The following EFCAB8 variants were observed in gnomAD, a reference collection of about 807,000 sequenced individuals.
The protein encoded by EFCAB8 is EF-hand calcium-binding domain-containing protein 8.
EFCAB8 carries 100 observed loss-of-function variants against 116.3 expected under a neutral mutation model. The ratio of observed to expected loss-of-function variants is 0.86; its 90% confidence interval spans 0.73 to 1.02. The LOEUF (loss-of-function observed/expected upper bound fraction) is 1.02. EFCAB8 is among the 50% of genes least tolerant of loss of function. The pLI, the probability that EFCAB8 is intolerant of heterozygous loss-of-function variation, is 0.00. For synonymous variants in EFCAB8, 558 were observed against 567.9 expected (o/e 0.98, Z 0.25); for missense variants, 1,320 against 1,416.9 (o/e 0.93, Z 1.10).
At chr20:32,870,348 A>G (rs1384186475) in intron 3 of EFCAB8, among the ~76,000 whole-genome samples, 2 of 152,220 alleles carry the variant, frequency 1.3e-5, no homozygotes, top group African/African-American at 4.8e-5. Flanking sequence ...ATATACCCAC[A>G]CAGTTCAATA....
At chr20:32,933,178 A>T (rs1431726767) in intron 22 of EFCAB8, among the ~76,000 whole-genome samples, 1 of 152,200 alleles carries the variant, frequency 6.6e-6, no homozygotes, top group East Asian at 1.9e-4. Context: ...CAACCAGTGT[A>T]GACCTGAGAC....
chr20:32,902,729 C>T lies in EFCAB8; in HGVS notation c.1089-3833C>T, dbSNP rs150642913. On this transcript the variant is annotated intron_variant, in intron 11 of 26. Transcript: ENST00000400522. ...ATGCCATCTTAGGGCATATCCTCTG[C>T]GGGTGGGGCCTGGCATTGGCACCCC... Among the ~76,000 whole-genome samples, 35 of 152,322 alleles carry T rather than the reference C, an allele frequency of 2.3e-4. No individual in the cohort carries two copies. In the East Asian group the frequency reaches 5.2e-3, roughly 23 times the overall value.
At chr20:32,860,493 CTTT>C (rs71190881) in intron 1 of EFCAB8, among the ~76,000 whole-genome samples, 1,009 of 83,158 alleles carry the variant, frequency 0.012, no homozygotes, top group African/African-American at 0.023. Flanking sequence ...ATGGTGGTAA[CTTT>C]TTTTTTTTTT....
At chr20:32,885,699 C>CA in intron 6 of EFCAB8, 59 bp downstream of exon 6, 1 of 1,535,816 alleles carries the variant, frequency 6.5e-7, no homozygotes, top group East Asian at 2.5e-5. Context: ...TCTGCCTTAG[C>CA]ACCCCCATGG....
rs191998754 is a variant in EFCAB8, at chr20:32,946,817, C to T, written c.2959+3013C>T. Among the ~76,000 whole-genome samples the T allele has an allele frequency of 1.5e-4, 23 of 152,342 alleles. 1 individual carries two copies. Among genetic ancestry groups the T allele is most frequent in the Admixed American group, 1.5e-3 (23 of 15,308 alleles). On this transcript the variant is annotated intron_variant, in intron 23 of 26. Coordinates refer to ENST00000400522, the MANE Select transcript of EFCAB8 (RefSeq NM_001143967.2). ...AAACTCTATTTCCTTCTCCTAACCC[C>T]TGGCAGCCATTGATCTGTTTGTCTC...
chr20:32,939,928 C>T (rs544955893), intron 22 of EFCAB8, among the ~76,000 whole-genome samples: 1 of 147,222 alleles, frequency 6.8e-6, no homozygotes, highest in African/African-American at 2.5e-5. Context: ...CTCCTGACCT[C>T]AGGTGATCCA....
At position 32,943,591 on chromosome 20, in the gene EFCAB8, G is replaced by A. The variant is rs1988472949; in HGVS notation, c.2791-45G>A. On this transcript the variant is annotated intron_variant, in intron 22 of 26. Transcript: ENST00000400522. ...CCTGGGTGCCTTCTAATTAGCCTGT[G>A]TAGTGGTCTTGGTAAAAGTGTTTCT... 3 of 416,658 alleles carry A rather than the reference G, an allele frequency of 7.2e-6. 1 individual carries two copies. Among genetic ancestry groups the A allele is most frequent in the Non-Finnish European group, 1.3e-5 (3 of 226,408 alleles). 25.8% of individuals were successfully genotyped at this position (416,658 alleles called of 1,614,324 possible). A position where few individuals can be genotyped will look rare whatever the true frequency, so the allele number is the denominator to read the frequency against.
chr20:32,940,015 CCCTCCCTCCCTTCCTTCCTTCCTTCCTT>C, intron 22 of EFCAB8, among the ~76,000 whole-genome samples: 1 of 72,754 alleles, frequency 1.4e-5, no homozygotes, highest in Non-Finnish European at 2.7e-5. Context: ...CTCCCTCCCT[CCCTCCCTCCCTTCCTTCCTTCCTTCCTT>C]CCTTCCTTCC....
At chr20:32,877,275 C>A (rs533788280) in intron 4 of EFCAB8, among the ~76,000 whole-genome samples, 2 of 135,614 alleles carry the variant, frequency 1.5e-5, no homozygotes, top group Non-Finnish European at 3.1e-5. Flanking sequence ...ATGGCACGAT[C>A]TTGGCTCTTT....
Position 32,908,282 on chromosome 20 carries a change from G to A in EFCAB8, c.1316G>A (p.Arg439His), listed in dbSNP as rs753163015. The change falls in exon 14 of 27, where the codon CGC (arginine) becomes CAC (histidine). Residue 439 changes from arginine (R) to histidine (H), a missense_variant. Coordinates refer to ENST00000400522, the MANE Select transcript of EFCAB8 (RefSeq NM_001143967.2). ...LISVSKDKNI[R>H]VWDMLDYICL... ...CTTTTTCCCATCCCCCAGAATATTC[G>A]CGTGTGGGACATGCTGGACTACATA... 9.6e-5 allele frequency: 120 copies of A among 1,249,544 alleles called. No homozygotes were observed. The East Asian group carries it at 1.7e-3, about 17-fold the overall frequency. The allele number at this position is 1,249,544 out of a possible 1,614,324, so 77.4% of individuals were successfully genotyped here. A position where few individuals can be genotyped will look rare whatever the true frequency, so the allele number is the denominator to read the frequency against.
intron 18 of EFCAB8, 106 bp downstream of exon 18, chr20:32,917,611 T>C: frequency 7.7e-7 from 1 of 1,296,786 alleles, no homozygotes; most frequent in Non-Finnish European, 1.1e-6. Context: ...GGAGGGATGA[T>C]GGCGACTTGT....
intron 11 of EFCAB8, among the ~76,000 whole-genome samples, chr20:32,899,114 G>A (rs562899302): frequency 2.6e-5 from 4 of 152,074 alleles, no homozygotes; most frequent in African/African-American, 9.7e-5. Flanking sequence ...CACCGGGCGC[G>A]GTGGCTCACG....
Position 32,867,737 on chromosome 20 carries a change from C to G in EFCAB8, c.198C>G (p.Asn66Lys). 6.4e-7 allele frequency: 1 copy of G among 1,551,370 alleles called. No homozygotes were observed. Among genetic ancestry groups the G allele is most frequent in the Non-Finnish European group, 8.7e-7 (1 of 1,146,912 alleles). ...KIEKMFEEDINSTGALGMDAF... is the reference protein window; with the variant it reads ...KIEKMFEEDIKSTGALGMDAF... ...AGAAAATGTTTGAGGAGGACATCAA[C>G]TCGACTGGAGGTAAGGCCGCTCTGT... Residue 66 changes from asparagine (N) to lysine (K), a missense_variant, in exon 3 of 27, where the codon AAC (asparagine) becomes AAG (lysine). Coordinates refer to ENST00000400522, the MANE Select transcript of EFCAB8 (RefSeq NM_001143967.2).
chr20:32,930,386 T>G lies in EFCAB8; in HGVS notation c.2413-12T>G. On this transcript the variant is annotated splice_polypyrimidine_tract_variant and intron_variant, in intron 20 of 26. Transcript: ENST00000400522. Reference sequence around the variant, plus strand: ...ACAGCCCTGCTGAGCCGGGCCCTCCTCTCTTCCTCAGATAATCTTCCTGCA... The same window carrying G: ...ACAGCCCTGCTGAGCCGGGCCCTCCGCTCTTCCTCAGATAATCTTCCTGCA... The G allele has an allele frequency of 6.5e-7, 1 of 1,547,888 alleles. No homozygotes were observed. The highest frequency in any genetic ancestry group is 8.7e-7 in the Non-Finnish European group (1 of 1,146,342).
Position 32,908,299 on chromosome 20 carries a change from G to A in EFCAB8, c.1333G>A (p.Asp445Asn), listed in dbSNP as rs1986771400. 8.0e-7 allele frequency: 1 copy of A among 1,249,754 alleles called. No homozygotes were observed. The highest frequency in any genetic ancestry group is 4.2e-5 in the Admixed American group (1 of 23,700). 77.4% of individuals were successfully genotyped at this position (1,249,754 alleles called of 1,614,324 possible). ...GAATATTCGCGTGTGGGACATGCTG[G>A]ACTACATATGCCTCCAGTCCTTCTG... ...DKNIRVWDML[D>N]YICLQSFCGK... is the part of the protein sequence containing the mutation. The change falls in exon 14 of 27, where the codon GAC becomes AAC. Residue 445 changes from aspartate (D) to asparagine (N), a missense_variant. Coordinates refer to ENST00000400522, the MANE Select transcript of EFCAB8 (RefSeq NM_001143967.2).
chr20:32,868,114 C>T (rs1055836601), intron 3 of EFCAB8, among the ~76,000 whole-genome samples: 1 of 151,900 alleles, frequency 6.6e-6, no homozygotes, highest in African/African-American at 2.4e-5. Flanking sequence ...TGCTTTTGCA[C>T]CAATGTGATA....
chr20:32,860,715 C>T (rs1984071280), intron 1 of EFCAB8, among the ~76,000 whole-genome samples: 1 of 151,496 alleles, frequency 6.6e-6, no homozygotes, highest in African/African-American at 2.4e-5. Flanking sequence ...TAGTGTGCAC[C>T]CTTTTCTGCA....
At position 32,892,281 on chromosome 20, in the gene EFCAB8, C is replaced by G; in HGVS notation, c.742C>G (p.Leu248Val). ...FTFVDLDSCA[L>V]VMDYWSDYHR... ...CTTTGTTGATCTGGACAGCTGTGCT[C>G]TGGTCATGGACTACTGGTGAGTCTC... The change falls in exon 8 of 27, where the codon CTG becomes GTG. Residue 248 changes from leucine (L) to valine (V), a missense_variant. Leu to Val is a conservative substitution (Grantham distance 32, BLOSUM62 1). Transcript: ENST00000400522. The G allele has an allele frequency of 2.6e-6, 4 of 1,551,630 alleles. No homozygotes were observed. The highest frequency in any genetic ancestry group is 1.7e-6 in the Non-Finnish European group (2 of 1,146,996).
In EFCAB8 at chr20:32,889,442, C is replaced by A. The variant is rs1023738814; in HGVS notation, c.673+36C>A. On this transcript the variant is annotated intron_variant, in intron 7 of 26. Coordinates refer to ENST00000400522, the MANE Select transcript of EFCAB8 (RefSeq NM_001143967.2). ...GGGGGCTTCCCAGCTCTGCTCTCAG[C>A]CACTGGGAGCCATGCATTTGTGCCT... 4 of 1,511,118 alleles carry A rather than the reference C, an allele frequency of 2.6e-6. No homozygotes were observed. In the African/African-American group the frequency reaches 4.2e-5, roughly 16 times the overall value. 93.6% of individuals were successfully genotyped at this position (1,511,118 alleles called of 1,614,324 possible).
Sources: allele counts gnomAD v4.1 joint callset (sites outside exome capture counted in the v4.1 genomes callset), GRCh38; gene constraint gnomAD v4.1.1; transcripts MANE v1.5; gene names NCBI Gene and HGNC (gene_info 2026-07-23, HGNC 2026-07-21).